COL22A1: variants seen among roughly 807,000 people sequenced by gnomAD.
The protein encoded by COL22A1 is collagen type XXII alpha 1 chain.
A neutral mutation model predicts 248.9 loss-of-function variants in COL22A1; 221 were observed. The ratio of observed to expected loss-of-function variants is 0.89; its 90% CI spans 0.80 to 0.99. COL22A1 has a LOEUF of 0.99. Among genes scored for constraint, COL22A1 ranks in the 50% least tolerant of loss-of-function variants. The pLI is 0.00. For missense variants in COL22A1, 2,240 were observed against 2,179.0 expected, an observed-to-expected ratio of 1.03 and a Z score of -0.56; for synonymous variants, 891 against 793.4, an observed-to-expected ratio of 1.12 and a Z score of -2.07.
chr8:138,697,770 C>T lies in COL22A1; in HGVS notation c.2592+2342G>A, dbSNP rs146689186. On this transcript the variant is annotated intron_variant, in intron 32 of 64. Transcript: ENST00000303045. The stretch of plus-strand genomic sequence containing the variant: ...CACTGCAGGGGCTCAAAGGCATGTG[C>T]CTGAGCAGAGCAGGGAGAAGTCAAA... Among the ~76,000 whole-genome samples, 226 of 152,360 alleles carry T rather than the reference C, an allele frequency of 1.5e-3. 2 individuals are homozygous for T. Among genetic ancestry groups the T allele is most frequent in the South Asian group, 4.1e-3 (20 of 4,828 alleles).
chr8:138,638,438 CA>C (rs1356361872), intron 47 of COL22A1, among the ~76,000 whole-genome samples: 1 of 152,102 alleles, frequency 6.6e-6, no homozygotes, highest in African/African-American at 2.4e-5. Flanking sequence ...GAGGGTCCTT[CA>C]GGGGGTCCAG....
At chr8:138,691,765 C>T (rs530954280) in intron 35 of COL22A1, among the ~76,000 whole-genome samples, 105 of 128,166 alleles carry the variant, frequency 8.2e-4, no homozygotes, top group Non-Finnish European at 1.1e-3. Context: ...TATATGTGTA[C>T]ACGTAAGTGT....
intron 30 of COL22A1, among the ~76,000 whole-genome samples, chr8:138,709,894 C>T (rs531920145): frequency 6.6e-6 from 1 of 152,270 alleles, no homozygotes; most frequent in Admixed American, 6.5e-5. Flanking sequence ...AGCAAATATC[C>T]TCACACACAT....
intron 2 of COL22A1, among the ~76,000 whole-genome samples, chr8:138,881,815 G>A (rs754356411): frequency 2.6e-5 from 4 of 152,174 alleles, no homozygotes; most frequent in Non-Finnish European, 5.9e-5. Flanking sequence ...TCTGTGTATC[G>A]GGGACCCCAG....
chr8:138,648,472 G>C (rs1027761397), intron 46 of COL22A1, among the ~76,000 whole-genome samples: 1 of 152,200 alleles, frequency 6.6e-6, no homozygotes, highest in Non-Finnish European at 1.5e-5. Flanking sequence ...AAAAGAAAGA[G>C]AATCTCACCT....
At chr8:138,598,602 C>A in intron 61 of COL22A1, 117 bp downstream of exon 61, 1 of 998,536 alleles carries the variant, frequency 1.0e-6, no homozygotes, top group Non-Finnish European at 1.5e-6. Flanking sequence ...CAGGTCATAC[C>A]TTCAGTCACT....
chr8:138,665,575 A>G (rs1824431947), intron 41 of COL22A1, among the ~76,000 whole-genome samples: 1 of 152,244 alleles, frequency 6.6e-6, no homozygotes, highest in Non-Finnish European at 1.5e-5. Flanking sequence ...CCTACACACA[A>G]GTCAACTTCT....
At chr8:138,862,921 A>G (rs952865968) in intron 3 of COL22A1, among the ~76,000 whole-genome samples, 1 of 152,162 alleles carries the variant, frequency 6.6e-6, no homozygotes, top group Non-Finnish European at 1.5e-5. Flanking sequence ...CTTCACAGTC[A>G]TAGGTGGGCT....
At chr8:138,880,982 G>A (rs1024035475) in intron 2 of COL22A1, among the ~76,000 whole-genome samples, 8 of 152,240 alleles carry the variant, frequency 5.3e-5, no homozygotes, top group African/African-American at 9.6e-5. Flanking sequence ...TGCCCGTGAG[G>A]CTGGAGTGTG....
At chr8:138,837,927 T>C (rs1820560164) in intron 4 of COL22A1, among the ~76,000 whole-genome samples, 1 of 152,010 alleles carries the variant, frequency 6.6e-6, no homozygotes, top group Non-Finnish European at 1.5e-5. Flanking sequence ...TCCTCAGTGA[T>C]GTAGGGGTGA....
intron 10 of COL22A1, among the ~76,000 whole-genome samples, chr8:138,805,721 AGTGATGGTGTGTGTATAT>A (rs1817523424): frequency 8.7e-6 from 1 of 114,418 alleles, no homozygotes; most frequent in Non-Finnish European, 1.8e-5. Flanking sequence ...GTGATGGTGT[AGTGATGGTGTGTGTATAT>A]GTGATGGTGT....
At chr8:138,776,075 G>T in intron 15 of COL22A1, 65 bp from the exon 16 acceptor site, 1 of 1,548,090 alleles carries the variant, frequency 6.5e-7, no homozygotes, top group Non-Finnish European at 8.9e-7. Flanking sequence ...TCACCGTGGG[G>T]GTGTCCATGG....
In COL22A1 at chr8:138,778,339, G is replaced by C; in HGVS notation, c.1758+14C>G. 1 of 1,614,092 alleles carries C rather than the reference G, an allele frequency of 6.2e-7. No individual in the cohort carries two copies. The highest frequency in any genetic ancestry group is 1.1e-5 in the South Asian group (1 of 91,048). On this transcript the variant is annotated intron_variant, in intron 15 of 64. Transcript: ENST00000303045. ...AGGGGTAGAACCCCTGCCCAGACAA[G>C]TGCCTTCACTTACAGGAGCTCCGAC...
At chr8:138,720,901 G>T in intron 26 of COL22A1, 109 bp from the exon 27 acceptor site, 1 of 870,528 alleles carries the variant, frequency 1.1e-6, no homozygotes, top group Non-Finnish European at 2.0e-6. Context: ...CACTCGGGTG[G>T]TTTTGAACTG....
At position 138,683,968 on chromosome 8, in the gene COL22A1, T is replaced by A. The variant is rs192753032; in HGVS notation, c.3012+457A>T. On this transcript the variant is annotated intron_variant, in intron 39 of 64. Transcript: ENST00000303045. The stretch of plus-strand genomic sequence containing the variant: ...ATGTAACAGTTAAGAGTCATAGAAA[T>A]GGCTGGGTGCACTGGTTCTATCTTC... 1.6e-4 allele frequency among the ~76,000 whole-genome samples: 24 copies of A among 152,236 alleles called. No homozygotes were observed. In the East Asian group the frequency reaches 4.7e-3, roughly 30 times the overall value.
Position 138,690,793 on chromosome 8 carries a change from G to A in COL22A1, c.2808+28C>T, listed in dbSNP as rs138926747. 490 of 1,587,458 alleles carry A rather than the reference G, an allele frequency of 3.1e-4. 2 individuals are homozygous for A. The highest frequency in any genetic ancestry group is 6.6e-4 in the East Asian group (29 of 43,684). On this transcript the variant is annotated intron_variant, in intron 36 of 64. Transcript: ENST00000303045. ...CATTAACTAGCTTGGTGGCTGGGCC[G>A]TGCGTATGCCCTCTCCCAATTACTC...
At chr8:138,882,031 C>T (rs1824252418) in intron 2 of COL22A1, among the ~76,000 whole-genome samples, 1 of 152,158 alleles carries the variant, frequency 6.6e-6, no homozygotes. Flanking sequence ...TTCTCACTGT[C>T]CTGGATGCCT....
intron 31 of COL22A1, among the ~76,000 whole-genome samples, chr8:138,702,604 A>G (rs1027018546): frequency 9.7e-5 from 14 of 144,348 alleles, no homozygotes; most frequent in Non-Finnish European, 2.0e-4. Context: ...AGGAAGAAAC[A>G]TTAAAGTGGA....
intron 41 of COL22A1, among the ~76,000 whole-genome samples, chr8:138,664,811 G>C (rs971111170): frequency 1.3e-5 from 2 of 152,196 alleles, no homozygotes; most frequent in African/African-American, 4.8e-5. Flanking sequence ...AGGAGAACTT[G>C]AGAATCAATG....
Sources: gnomAD v4.1 joint callset for allele counts (sites outside exome capture counted in the v4.1 genomes callset) on GRCh38, gnomAD v4.1.1 for gene constraint, MANE v1.5 for transcripts, NCBI Gene and HGNC (gene_info 2026-07-23, HGNC 2026-07-21) for gene names.